Variants in CNTLN observed in about 807,000 individuals in gnomAD.
The protein encoded by CNTLN is centlein, also known as centlein, centrosomal protein.
Under a neutral mutation model 180.0 loss-of-function variants are expected in CNTLN, and 212 were observed. That is an observed-to-expected ratio of 1.18 (90% CI 1.05 to 1.32). The LOEUF is 1.32. Among genes scored for constraint, CNTLN ranks in the 40% most tolerant of loss-of-function variants. The pLI is 0.00. For synonymous variants in CNTLN, 722 were observed against 563.1 expected, an observed-to-expected ratio of 1.28 and a Z score of -3.99; for missense variants, 2,095 against 1,610.9, an observed-to-expected ratio of 1.30 and a Z score of -5.14.
chr9:17,341,381 A>C lies in CNTLN; in HGVS notation c.1766+433A>C, dbSNP rs573027482. On this transcript the variant is annotated intron_variant, in intron 11 of 25. Transcript: ENST00000380647. ...ATGAAATTCACATATATAGTTAACT[A>C]TCTTAAAACTACTTCAACCTAGTAT... Among the ~76,000 whole-genome samples, 7 of 152,226 alleles carry C rather than the reference A, an allele frequency of 4.6e-5. No individual in the cohort carries two copies. The South Asian group carries it at 1.4e-3, about 32-fold the overall frequency.
At chr9:17,183,090 G>A (rs1821224546) in intron 2 of CNTLN, among the ~76,000 whole-genome samples, 1 of 152,144 alleles carries the variant, frequency 6.6e-6, no homozygotes, top group Non-Finnish European at 1.5e-5. Context: ...GTGTATCTGT[G>A]AGTAGATAAT....
intron 5 of CNTLN, among the ~76,000 whole-genome samples, chr9:17,263,081 G>T (rs1054628031): frequency 9.3e-5 from 14 of 150,794 alleles, no homozygotes; most frequent in African/African-American, 3.2e-4. Flanking sequence ...TAGGGTACAT[G>T]TGCACAACGT....
intron 2 of CNTLN, among the ~76,000 whole-genome samples, chr9:17,176,749 C>T (rs1389478358): frequency 1.3e-5 from 2 of 152,138 alleles, no homozygotes; most frequent in Admixed American, 1.3e-4. Flanking sequence ...ATTGCCAATT[C>T]GCTTTCCTTA....
intron 2 of CNTLN, among the ~76,000 whole-genome samples, chr9:17,172,567 A>G (rs149730070): frequency 2.0e-5 from 3 of 151,904 alleles, no homozygotes; most frequent in African/African-American, 7.2e-5. Flanking sequence ...GGTATTTCTT[A>G]CTCTGTCATC....
intron 13 of CNTLN, among the ~76,000 whole-genome samples, chr9:17,369,878 T>C (rs1824157660): frequency 6.6e-6 from 1 of 151,626 alleles, no homozygotes; most frequent in Non-Finnish European, 1.5e-5. Flanking sequence ...TCCCAGCTAC[T>C]TGGGAGGCTG....
intron 18 of CNTLN, among the ~76,000 whole-genome samples, chr9:17,454,463 T>G (rs1389005925): frequency 6.6e-6 from 1 of 152,180 alleles, no homozygotes; most frequent in Non-Finnish European, 1.5e-5. Flanking sequence ...GGAGGGATCC[T>G]AGATTGATTC....
intron 5 of CNTLN, among the ~76,000 whole-genome samples, chr9:17,265,345 ATTGATT>A: frequency 6.6e-6 from 1 of 152,294 alleles, no homozygotes; most frequent in South Asian, 2.1e-4. Flanking sequence ...GATTACACTT[ATTGATT>A]TGCGTATGTT....
At chr9:17,255,786 C>T (rs997443297) in intron 5 of CNTLN, among the ~76,000 whole-genome samples, 2 of 151,778 alleles carry the variant, frequency 1.3e-5, no homozygotes, top group African/African-American at 4.8e-5. Flanking sequence ...ACCATCTAGA[C>T]CCATGCTTTG....
At chr9:17,288,818 C>G (rs1475410145) in intron 6 of CNTLN, among the ~76,000 whole-genome samples, 1 of 132,522 alleles carries the variant, frequency 7.5e-6, no homozygotes, top group African/African-American at 3.2e-5. Context: ...TATCAAGAGA[C>G]TAGGATTGCA....
chr9:17,521,295 G>GAGAGAGA, the CNTLN span, among the ~76,000 whole-genome samples: 18 of 149,034 alleles, frequency 1.2e-4, no homozygotes, highest in African/African-American at 2.7e-4. Flanking sequence ...GAGAGAGAGA[G>GAGAGAGA]GAAATGGAAC....
chr9:17,295,557 C>T (rs10963013), intron 6 of CNTLN, among the ~76,000 whole-genome samples: 24,859 of 151,874 alleles, frequency 0.16, 2,223 homozygotes, highest in South Asian at 0.28. Context: ...CCTCAGTTGC[C>T]GGTGCAGGAT....
intron 5 of CNTLN, among the ~76,000 whole-genome samples, chr9:17,245,067 G>A (rs938530506): frequency 1.3e-5 from 2 of 151,906 alleles, no homozygotes; most frequent in East Asian, 1.9e-4. Flanking sequence ...CTCCAGATAC[G>A]AGTAGTTTAC....
At chr9:17,342,257 A>G (rs1001039170) in intron 11 of CNTLN, 68 bp from the exon 12 acceptor site, 14 of 1,454,902 alleles carry the variant, frequency 9.6e-6, no homozygotes, top group Non-Finnish European at 1.2e-5. Flanking sequence ...ATTTTAAGGA[A>G]TGTATAAAAT....
At chr9:17,392,924 T>C (rs1483294747) in intron 14 of CNTLN, among the ~76,000 whole-genome samples, 1 of 152,166 alleles carries the variant, frequency 6.6e-6, no homozygotes, top group Non-Finnish European at 1.5e-5. Flanking sequence ...TAAGAATATG[T>C]ATGTTTTATC....
chr9:17,522,013 T>C, the CNTLN span, among the ~76,000 whole-genome samples: 1 of 118,666 alleles, frequency 8.4e-6, no homozygotes, highest in Non-Finnish European at 2.0e-5. Context: ...ACCTGTTAGC[T>C]CAAATAGGCA....
chr9:17,205,369 T>G (rs1289785237), intron 2 of CNTLN, among the ~76,000 whole-genome samples: 1 of 152,108 alleles, frequency 6.6e-6, no homozygotes, highest in Non-Finnish European at 1.5e-5. Flanking sequence ...ATAAGCAAAT[T>G]GCATTGGGAA....
At chr9:17,171,705 G>C (rs897267592) in intron 2 of CNTLN, among the ~76,000 whole-genome samples, 3 of 152,102 alleles carry the variant, frequency 2.0e-5, no homozygotes, top group Non-Finnish European at 2.9e-5. Flanking sequence ...GTCTGGGGTA[G>C]CAGTGGTTCT....
At chr9:17,296,774 G>A (rs1817970236) in intron 6 of CNTLN, among the ~76,000 whole-genome samples, 1 of 151,750 alleles carries the variant, frequency 6.6e-6, no homozygotes, top group Admixed American at 6.6e-5. Context: ...TTTTTGAATT[G>A]TTACAGGAAA....
intron 13 of CNTLN, among the ~76,000 whole-genome samples, chr9:17,384,877 G>A (rs905205090): frequency 1.3e-5 from 2 of 151,788 alleles, no homozygotes; most frequent in Non-Finnish European, 2.9e-5. Flanking sequence ...AACTCCAATT[G>A]GGCAATTCAG....
Sources: gnomAD v4.1 joint callset for allele counts (sites outside exome capture counted in the v4.1 genomes callset) on GRCh38, gnomAD v4.1.1 for gene constraint, MANE v1.5 for transcripts, NCBI Gene and HGNC (gene_info 2026-07-23, HGNC 2026-07-21) for gene names.